Variants in SNTG1 observed in about 807,000 individuals in gnomAD.
SNTG1 encodes the protein gamma-1-syntrophin.
Under a neutral mutation model 74.7 loss-of-function variants are expected in SNTG1, and 39 were observed. That is an observed-to-expected ratio of 0.52 (90% CI 0.40 to 0.68). The LOEUF (loss-of-function observed/expected upper bound fraction) is 0.68, where lower values mean the gene tolerates loss of function less well. Ranked by LOEUF, SNTG1 falls within the 30% of genes least tolerant of loss-of-function variation. The pLI, the probability that SNTG1 is intolerant of heterozygous loss-of-function variation, is 0.00. For synonymous variants in SNTG1, 254 were observed against 217.1 expected (o/e 1.17, Z -1.49); for missense variants, 685 against 609.5 (o/e 1.12, Z -1.30).
intron 2 of SNTG1, among the ~76,000 whole-genome samples, chr8:50,278,844 A>AG (rs2088270259): frequency 6.6e-6 from 1 of 151,938 alleles, no homozygotes; most frequent in Non-Finnish European, 1.5e-5. Flanking sequence ...CTTAACTTAA[A>AG]AAATTCATGT....
chr8:50,724,285 A>T (rs1332933698), intron 17 of SNTG1, among the ~76,000 whole-genome samples: 2 of 152,170 alleles, frequency 1.3e-5, no homozygotes, highest in Non-Finnish European at 2.9e-5. Flanking sequence ...TTAAGTAAGG[A>T]ATCTCTGTTT....
At chr8:50,186,718 G>C (rs1020004631) in intron 2 of SNTG1, among the ~76,000 whole-genome samples, 3 of 151,732 alleles carry the variant, frequency 2.0e-5, no homozygotes, top group Non-Finnish European at 4.4e-5. Context: ...CTTTTTGATG[G>C]GGTTGTTTTG....
intron 4 of SNTG1, among the ~76,000 whole-genome samples, chr8:50,431,343 T>G (rs906706822): frequency 6.6e-6 from 1 of 152,210 alleles, no homozygotes; most frequent in African/African-American, 2.4e-5. Flanking sequence ...AGGCTATGCA[T>G]GCAGAATCTC....
intron 15 of SNTG1, among the ~76,000 whole-genome samples, chr8:50,691,437 A>C (rs1004748151): frequency 3.8e-4 from 58 of 152,274 alleles, no homozygotes; most frequent in Non-Finnish European, 1.9e-4. Context: ...CTTTTAGTGC[A>C]GGCCTGGTGG....
At chr8:50,228,661 T>TA (rs2085463987) in intron 2 of SNTG1, among the ~76,000 whole-genome samples, 2 of 151,836 alleles carry the variant, frequency 1.3e-5, no homozygotes, top group African/African-American at 4.8e-5. Context: ...TACACTGACT[T>TA]ACCGTTCTCT....
At chr8:50,442,437 A>G (rs139668791) in intron 5 of SNTG1, among the ~76,000 whole-genome samples, 1,669 of 152,132 alleles carry the variant, frequency 0.011, 12 homozygotes, top group Non-Finnish European at 0.015. Context: ...GAACCCTTCT[A>G]GGGCTTTATG....
At chr8:50,267,518 G>A (rs975024781) in intron 2 of SNTG1, among the ~76,000 whole-genome samples, 3 of 152,118 alleles carry the variant, frequency 2.0e-5, no homozygotes, top group Non-Finnish European at 4.4e-5. Flanking sequence ...CCTACAGTTG[G>A]TGAGGTTGAG....
chr8:50,215,479 CTATA>C (rs1009957562), intron 2 of SNTG1, among the ~76,000 whole-genome samples: 7 of 139,670 alleles, frequency 5.0e-5, no homozygotes, highest in African/African-American at 1.8e-4. Flanking sequence ...TATATATAGA[CTATA>C]TATATATAGA....
chr8:50,301,814 G>A lies in SNTG1; in HGVS notation c.-27-92398G>A, dbSNP rs183230057. 3.3e-5 allele frequency among the ~76,000 whole-genome samples: 5 copies of A among 151,434 alleles called. No homozygotes were observed. In the East Asian group the frequency reaches 7.8e-4, roughly 24 times the overall value. On this transcript the variant is annotated intron_variant, in intron 2 of 18. Transcript: ENST00000642720. Reference sequence around the variant, plus strand: ...TGCCCTGAAACATGTATTTATTGAAGTTTCTGCTCTGTTTTGTTTTTGTTT... The same window carrying A: ...TGCCCTGAAACATGTATTTATTGAAATTTCTGCTCTGTTTTGTTTTTGTTT...
At chr8:50,704,500 T>C in intron 15 of SNTG1, 100 bp from the exon 16 acceptor site, 1 of 1,488,534 alleles carries the variant, frequency 6.7e-7, no homozygotes, top group Non-Finnish European at 9.4e-7. Flanking sequence ...GAGTGTTGTC[T>C]TTTTACCTGT....
intron 1 of SNTG1, among the ~76,000 whole-genome samples, chr8:50,056,157 C>T (rs568437964): frequency 2.6e-5 from 4 of 152,148 alleles, no homozygotes; most frequent in East Asian, 1.9e-4. Context: ...CTTGTTTCCC[C>T]GGTACTCCTG....
chr8:49,992,821 A>C (rs1164922765), intron 1 of SNTG1, among the ~76,000 whole-genome samples: 2 of 152,198 alleles, frequency 1.3e-5, no homozygotes, highest in Non-Finnish European at 2.9e-5. Context: ...AATAGTTCAA[A>C]ATATAATGCT....
chr8:50,070,982 A>G (rs749824647), intron 1 of SNTG1, among the ~76,000 whole-genome samples: 1 of 152,176 alleles, frequency 6.6e-6, no homozygotes, highest in Non-Finnish European at 1.5e-5. Flanking sequence ...CTTACCTGGA[A>G]AGTTAGGGCT....
At chr8:49,959,860 C>T (rs528167196) in intron 1 of SNTG1, among the ~76,000 whole-genome samples, 24 of 152,240 alleles carry the variant, frequency 1.6e-4, no homozygotes, top group African/African-American at 5.5e-4. Flanking sequence ...CTTGCTTATC[C>T]ATGAATGTTA....
chr8:49,976,332 T>C (rs533348796), intron 1 of SNTG1, among the ~76,000 whole-genome samples: 1 of 152,236 alleles, frequency 6.6e-6, no homozygotes, highest in African/African-American at 2.4e-5. Context: ...CAGAAAGGAT[T>C]GGATGGCAAG....
intron 15 of SNTG1, among the ~76,000 whole-genome samples, chr8:50,678,709 T>C (rs1408964507): frequency 6.6e-6 from 1 of 152,166 alleles, no homozygotes; most frequent in Admixed American, 6.5e-5. Flanking sequence ...TTTATGTAAA[T>C]AATAAAATTA....
intron 17 of SNTG1, among the ~76,000 whole-genome samples, chr8:50,728,207 C>G (rs1460218476): frequency 6.6e-6 from 1 of 152,130 alleles, no homozygotes; most frequent in Non-Finnish European, 1.5e-5. Context: ...GGTGGTGTCC[C>G]CTTCTCATAG....
chr8:50,692,712 G>A (rs1170528769), intron 15 of SNTG1, among the ~76,000 whole-genome samples: 2 of 152,198 alleles, frequency 1.3e-5, no homozygotes, highest in Non-Finnish European at 2.9e-5. Flanking sequence ...CCCACTTGAG[G>A]AGGCAGTCTG....
intron 13 of SNTG1, among the ~76,000 whole-genome samples, chr8:50,610,036 T>C (rs140080826): frequency 1.2e-4 from 18 of 152,282 alleles, no homozygotes; most frequent in Middle Eastern, 6.8e-3. Flanking sequence ...CGTTTTCTTG[T>C]TTGATACTCT....
Sources: gnomAD v4.1 joint callset for allele counts (sites outside exome capture counted in the v4.1 genomes callset) on GRCh38, gnomAD v4.1.1 for gene constraint, MANE v1.5 for transcripts, NCBI Gene and HGNC (gene_info 2026-07-23, HGNC 2026-07-21) for gene names.